TTC3: variants seen among roughly 807,000 people sequenced by gnomAD.
TTC3 encodes tetratricopeptide repeat domain 3.
A neutral mutation model predicts 249.6 loss-of-function variants in TTC3; 180 were observed. The ratio of observed to expected loss-of-function variants is 0.72; its 90% CI spans 0.64 to 0.82. TTC3 has a LOEUF of 0.82. Ranked by LOEUF, TTC3 falls within the 40% of genes least tolerant of loss-of-function variation. The probability of loss-of-function intolerance (pLI) is 0.00; values close to 1 mark genes in which losing one functional copy is unlikely to be tolerated. For synonymous variants in TTC3, 717 were observed against 805.0 expected (o/e 0.89, Z 1.85); for missense variants, 2,061 against 2,398.4 (o/e 0.86, Z 2.94).
chr21:37,123,138 G>A (rs2076763930), intron 13 of TTC3, 110 bp downstream of exon 13: 1 of 1,114,244 alleles, frequency 9.0e-7, no homozygotes, highest in Admixed American at 1.9e-5. Flanking sequence ...CCACAGTAAA[G>A]TTGGAGATGG....
intron 1 of TTC3, among the ~76,000 whole-genome samples, chr21:37,075,173 T>TG (rs2070668411): frequency 6.6e-6 from 1 of 151,990 alleles, no homozygotes; most frequent in Admixed American, 6.5e-5. Flanking sequence ...TTGCTTTTTT[T>TG]TTTTTTGCTC....
intron 11 of TTC3, among the ~76,000 whole-genome samples, chr21:37,115,022 G>A (rs1205253688): frequency 3.3e-5 from 5 of 151,934 alleles, no homozygotes; most frequent in African/African-American, 9.7e-5. Flanking sequence ...TCACACACCG[G>A]GGCCTGTTGT....
At chr21:37,097,147 ATAAATT>A (rs978239719) in intron 10 of TTC3, among the ~76,000 whole-genome samples, 4 of 152,216 alleles carry the variant, frequency 2.6e-5, no homozygotes, top group Non-Finnish European at 5.9e-5. Flanking sequence ...AAGAAAGCAA[ATAAATT>A]TAATATTATG....
intron 35 of TTC3, among the ~76,000 whole-genome samples, chr21:37,176,651 G>A (rs2082306980): frequency 6.6e-6 from 1 of 152,140 alleles, no homozygotes; most frequent in Non-Finnish European, 1.5e-5. Flanking sequence ...CTCCTACTAT[G>A]TGCCACACTC....
At chr21:37,115,402 G>A (rs1057344409) in intron 11 of TTC3, among the ~76,000 whole-genome samples, 1 of 152,074 alleles carries the variant, frequency 6.6e-6, no homozygotes, top group Non-Finnish European at 1.5e-5. Flanking sequence ...GGTATGTGTA[G>A]TAACAGGAAG....
At chr21:37,136,714 G>T (rs532632685) in intron 18 of TTC3, among the ~76,000 whole-genome samples, 45 of 152,350 alleles carry the variant, frequency 3.0e-4, no homozygotes, top group African/African-American at 1.0e-3. Flanking sequence ...ATCTAGTGAA[G>T]ATCATTGATG....
chr21:37,147,725 C>T, intron 22 of TTC3, 122 bp downstream of exon 22: 2 of 1,231,758 alleles, frequency 1.6e-6, no homozygotes, highest in Non-Finnish European at 1.1e-6. Flanking sequence ...CCACCCCTTT[C>T]CCAGGATTTT....
At chr21:37,144,502 C>T (rs534742345) in intron 20 of TTC3, 23 bp from the exon 21 acceptor site, 1 of 1,599,992 alleles carries the variant, frequency 6.3e-7, no homozygotes, top group East Asian at 2.2e-5. Context: ...TCTTTAATGC[C>T]TTTTTCATAA....
intron 11 of TTC3, among the ~76,000 whole-genome samples, chr21:37,109,268 C>T (rs958407712): frequency 3.3e-5 from 5 of 152,156 alleles, no homozygotes; most frequent in African/African-American, 1.2e-4. Flanking sequence ...TGAGGCATGG[C>T]CTCACCGGGG....
At chr21:37,165,162 A>G (rs1050890581) in intron 32 of TTC3, among the ~76,000 whole-genome samples, 11 of 152,250 alleles carry the variant, frequency 7.2e-5, no homozygotes, top group African/African-American at 2.4e-4. Context: ...TTCAAATAGG[A>G]TTTGTTTTTG....
At chr21:37,079,819 C>A (rs1421123885) in intron 1 of TTC3, among the ~76,000 whole-genome samples, 1 of 152,004 alleles carries the variant, frequency 6.6e-6, no homozygotes, top group East Asian at 1.9e-4. Flanking sequence ...CAGGTGTGAG[C>A]CACCGCTCGT....
In TTC3 at chr21:37,126,146, G is replaced by A; in HGVS notation, c.1297+3G>A. ...TCCTGAATTTTCACCACCATCAAGT[G>A]AGTATTGTTTTTATATCAATTGTTG... On this transcript the variant is annotated splice_donor_region_variant and intron_variant, in intron 15 of 45. Transcript: ENST00000355666. 3 of 1,610,056 alleles carry A rather than the reference G, an allele frequency of 1.9e-6. No homozygotes were observed. Among genetic ancestry groups the A allele is most frequent in the Non-Finnish European group, 2.5e-6 (3 of 1,178,624 alleles).
rs1224967054 is a variant in TTC3 at position 37,144,512 on chromosome 21, A to G, written c.1773-13A>G. 2 of 1,603,698 alleles carry G rather than the reference A, an allele frequency of 1.2e-6. No individual in the cohort carries two copies. Among genetic ancestry groups the G allele is most frequent in the South Asian group, 1.1e-5 (1 of 88,718 alleles). On this transcript the variant is annotated splice_polypyrimidine_tract_variant and intron_variant, in intron 20 of 45. Transcript: ENST00000355666. ...TTACATCTTTAATGCCTTTTTCATA[A>G]TTATGACTTTAGATTTCTAGAAGCT...
In TTC3 at chr21:37,147,604, G is replaced by T; in HGVS notation, c.2016+1G>T. The T allele has an allele frequency of 6.3e-7, 1 of 1,598,244 alleles. No individual in the cohort carries two copies. The highest frequency in any genetic ancestry group is 8.5e-7 in the Non-Finnish European group (1 of 1,175,170). On this transcript the variant is annotated splice_donor_variant, in intron 22 of 45. Coordinates refer to ENST00000355666, the Ensembl canonical transcript of TTC3. LOFTEE classifies it high-confidence loss of function. ...ATACATAACTGATCCAGACTTTAAGGTAAATAATGAGTGTACAGTGGGACA... is the reference window on the plus strand; with the variant it reads ...ATACATAACTGATCCAGACTTTAAGTTAAATAATGAGTGTACAGTGGGACA...
chr21:37,107,772 G>A (rs1279754083), intron 10 of TTC3: 2 of 152,352 alleles, frequency 1.3e-5, no homozygotes, highest in African/African-American at 4.8e-5. Flanking sequence ...TGCAGAAATA[G>A]TACAGAAAAA....
intron 10 of TTC3, among the ~76,000 whole-genome samples, chr21:37,106,339 A>G (rs987831357): frequency 2.6e-5 from 4 of 152,204 alleles, no homozygotes; most frequent in Non-Finnish European, 5.9e-5. Flanking sequence ...TATTGCAAAT[A>G]TCTTCTCACA....
At chr21:37,163,918 T>A in intron 31 of TTC3, 133 bp from the exon 32 acceptor site, 3 of 946,278 alleles carry the variant, frequency 3.2e-6, no homozygotes, top group Non-Finnish European at 4.4e-6. Context: ...CCTGGTGCTA[T>A]TTTTTTGCAA....
At position 37,198,042 on chromosome 21, in the gene TTC3, AG is replaced by A; in HGVS notation, c.5850+18del. 5 of 1,551,364 alleles carry A rather than the reference AG, an allele frequency of 3.2e-6. No homozygotes were observed. The highest frequency in any genetic ancestry group is 4.4e-6 in the Non-Finnish European group (5 of 1,148,730). ...GTGAGGATTGTATGTATAACTGTAT[AG>A]TTTTGTTTTTTAATGAAAAACAAGA... On this transcript the variant is annotated intron_variant, in intron 44 of 45. Coordinates refer to ENST00000355666, the Ensembl canonical transcript of TTC3.
chr21:37,087,264 A>C lies in TTC3; in HGVS notation c.7A>C (p.Asn3His), dbSNP rs753775126. Residue 3 changes from asparagine (N) to histidine (H), a missense_variant, in exon 2 of 46, where the codon AAT (asparagine) becomes CAT (histidine). By Grantham distance (68) the Asn-to-His change is moderately conservative (BLOSUM62 1). Around this residue, in one of 3 missense-constraint regions of TTC3, gnomAD observed 989 missense variants for 1,145.1 expected, o/e 0.86. Transcript: ENST00000355666. ...CTCCTTAGACTTGTGCACCATGGAC[A>C]ATTTTGCTGAGGGAGATTTCACTGT... is the stretch of plus-strand genomic sequence containing the variant. 3.7e-5 allele frequency: 60 copies of C among 1,613,776 alleles called. No individual in the cohort carries two copies. The highest frequency in any genetic ancestry group is 1.7e-4 in the Middle Eastern group (1 of 5,926).
Sources: allele counts gnomAD v4.1 joint callset (sites outside exome capture counted in the v4.1 genomes callset), GRCh38; gene constraint gnomAD v4.1.1; regional missense constraint gnomAD v4.1.1; transcripts MANE v1.5; gene names NCBI Gene and HGNC (gene_info 2026-07-23, HGNC 2026-07-21).